Variants in NFX1 observed in about 807,000 individuals in gnomAD.
The protein encoded by NFX1 is transcriptional repressor NF-X1.
NFX1 carries 69 observed loss-of-function variants against 137.2 expected under a neutral mutation model. The ratio of observed to expected loss-of-function variants is 0.50; its 90% CI spans 0.41 to 0.61. The LOEUF is 0.61. Ranked by LOEUF, NFX1 falls within the 20% of genes least tolerant of loss-of-function variation. NFX1 has a pLI of 0.00. For synonymous variants in NFX1, 495 were observed against 474.1 expected (o/e 1.04, Z -0.57); for missense variants, 1,167 against 1,391.0 (o/e 0.84, Z 2.56).
intron 3 of NFX1, 112 bp from the exon 4 acceptor site, chr9:33,303,079 G>T: frequency 4.7e-6 from 3 of 642,326 alleles, no homozygotes; most frequent in Non-Finnish European, 8.1e-6. Flanking sequence ...GCTTAACATT[G>T]AAATTATTAC....
intron 7 of NFX1, among the ~76,000 whole-genome samples, chr9:33,316,871 A>G (rs1822182090): frequency 6.6e-6 from 1 of 152,042 alleles, no homozygotes; most frequent in Non-Finnish European, 1.5e-5. Context: ...CAGGAACTCA[A>G]TTTTTTTATT....
intron 17 of NFX1, 91 bp from the exon 18 acceptor site, chr9:33,353,995 T>A (rs1823731423): frequency 1.6e-6 from 2 of 1,220,582 alleles, no homozygotes; most frequent in Non-Finnish European, 2.3e-6. Context: ...TGGCCTAGAT[T>A]TGCTTTTAAA....
intron 15 of NFX1, chr9:33,348,394 G>A (rs1823513082): frequency 6.6e-6 from 1 of 151,828 alleles, no homozygotes; most frequent in African/African-American, 2.4e-5. Flanking sequence ...TGGGTACAAT[G>A]TACACTCCTC....
intron 9 of NFX1, among the ~76,000 whole-genome samples, chr9:33,326,439 C>T (rs1564122314): frequency 7.3e-6 from 1 of 136,586 alleles, no homozygotes; most frequent in Non-Finnish European, 1.6e-5. Flanking sequence ...AAAAAAAAAG[C>T]TGGGCACTGT....
intron 21 of NFX1, 174 bp downstream of exon 21, chr9:33,364,948 C>G: frequency 7.0e-7 from 1 of 1,425,644 alleles, no homozygotes; most frequent in South Asian, 1.5e-5. Context: ...CTGTGGAAGC[C>G]TGTCCTGGTT....
chr9:33,325,385 C>A (rs894641213), intron 9 of NFX1, among the ~76,000 whole-genome samples: 1 of 148,764 alleles, frequency 6.7e-6, no homozygotes, highest in African/African-American at 2.4e-5. Context: ...GGCAACTGGC[C>A]GGGCGCGGTG....
rs766828155 is a variant in NFX1 at position 33,307,302 on chromosome 9, A to G, written c.1376+3A>G. On this transcript the variant is annotated splice_donor_region_variant and intron_variant, in intron 5 of 23. Coordinates refer to ENST00000379540, the MANE Select transcript of NFX1 (RefSeq NM_002504.6). The stretch of plus-strand genomic sequence containing the variant: ...GACTGCCCACATTCCTGTAACCTGT[A>G]AGTTGGAATGCTAATTCCGTTGGGA... The G allele has an allele frequency of 2.5e-6, 4 of 1,611,496 alleles. No homozygotes were observed. The highest frequency in any genetic ancestry group is 3.4e-6 in the Non-Finnish European group (4 of 1,177,774).
rs768434930 is a variant in NFX1 at position 33,347,785 on chromosome 9, C to T, written c.2424+668C>T. ...AAAAATGTGGAACCAGCCCAACTGC[C>T]CATCAGTCAACAAGTGGATAAAGAA... On this transcript the variant is annotated intron_variant, in intron 15 of 23. Coordinates refer to ENST00000379540, the MANE Select transcript of NFX1 (RefSeq NM_002504.6). The T allele has an allele frequency of 6.5e-6, 2 of 307,186 alleles. 1 individual carries two copies. Among genetic ancestry groups the T allele is most frequent in the South Asian group, 5.4e-5 (2 of 36,918 alleles). 19.0% of individuals were successfully genotyped at this position (307,186 alleles called of 1,614,324 possible).
intron 19 of NFX1, 71 bp from the exon 20 acceptor site, chr9:33,363,939 G>C (rs1824091443): frequency 1.1e-6 from 1 of 938,812 alleles, no homozygotes; most frequent in African/African-American, 1.7e-5. Context: ...GGATATAGTA[G>C]GCACTCGGGG....
intron 9 of NFX1, among the ~76,000 whole-genome samples, chr9:33,322,622 C>G (rs1220481531): frequency 6.6e-6 from 1 of 152,160 alleles, no homozygotes; most frequent in Non-Finnish European, 1.5e-5. Context: ...GTCCTCACCC[C>G]AGCTCACTCG....
chr9:33,338,806 T>A (rs1823109398), intron 12 of NFX1, among the ~76,000 whole-genome samples: 1 of 152,158 alleles, frequency 6.6e-6, no homozygotes, highest in Non-Finnish European at 1.5e-5. Flanking sequence ...GCCAGTGGCA[T>A]CTGGTAGCAA....
intron 4 of NFX1, 123 bp from the exon 5 acceptor site, chr9:33,307,071 T>C (rs1821779998): frequency 1.6e-6 from 1 of 635,954 alleles, no homozygotes; most frequent in Admixed American, 3.0e-5. Flanking sequence ...GGATAATACA[T>C]TTGTTGAAAT....
intron 19 of NFX1, 53 bp from the exon 20 acceptor site, chr9:33,363,957 A>G: frequency 3.9e-6 from 5 of 1,281,584 alleles, no homozygotes; most frequent in Non-Finnish European, 5.4e-6. Context: ...GGGTTACTGC[A>G]AGATAGTTTC....
rs145661265 is a variant in NFX1 at position 33,360,208 on chromosome 9, C to G, written c.2874-3802C>G. ...TGGTGGTTGAAAGACATATTGTATA[C>G]TAGTTAGAGCCAGAGCTCTGGAGTC... On this transcript the variant is annotated intron_variant, in intron 19 of 23. Transcript: ENST00000379540. Among the ~76,000 whole-genome samples the G allele has an allele frequency of 1.9e-3, 289 of 152,258 alleles. 1 individual carries two copies. Among genetic ancestry groups the G allele is most frequent in the Middle Eastern group, 6.8e-3 (2 of 294 alleles).
At chr9:33,349,906 C>CT (rs1823573592) in intron 15 of NFX1, among the ~76,000 whole-genome samples, 1 of 152,030 alleles carries the variant, frequency 6.6e-6, no homozygotes, top group Admixed American at 6.6e-5. Flanking sequence ...ACTTGGAAGG[C>CT]TAAGGCAGGA....
At chr9:33,352,536 A>G in intron 16 of NFX1, 110 bp from the exon 17 acceptor site, 1 of 916,898 alleles carries the variant, frequency 1.1e-6, no homozygotes, top group South Asian at 1.3e-5. Flanking sequence ...GTGGCCACCC[A>G]CTGACTCTCT....
chr9:33,323,151 G>A (rs1256557801), intron 9 of NFX1, among the ~76,000 whole-genome samples: 1 of 152,136 alleles, frequency 6.6e-6, no homozygotes, highest in African/African-American at 2.4e-5. Context: ...TCATTCCAGG[G>A]TCAGTTTGTA....
At chr9:33,360,421 A>G (rs766859257) in intron 19 of NFX1, among the ~76,000 whole-genome samples, 5 of 152,220 alleles carry the variant, frequency 3.3e-5, no homozygotes, top group Non-Finnish European at 7.3e-5. Flanking sequence ...TCTTGGCACA[A>G]GAGCTTGGCA....
chr9:33,347,164 G>C, intron 15 of NFX1, 47 bp downstream of exon 15: 9 of 1,384,270 alleles, frequency 6.5e-6, no homozygotes, highest in Non-Finnish European at 9.2e-6. Context: ...AGAGGTTCAT[G>C]ATTTTATTAC....
Sources: allele counts gnomAD v4.1 joint callset (sites outside exome capture counted in the v4.1 genomes callset), GRCh38; gene constraint gnomAD v4.1.1; transcripts MANE v1.5; gene names NCBI Gene and HGNC (gene_info 2026-07-23, HGNC 2026-07-21).